SLCO3A1: variants seen among roughly 807,000 people sequenced by gnomAD.
SLCO3A1 encodes the protein solute carrier organic anion transporter family member 3A1.
A neutral mutation model predicts 63.1 loss-of-function variants in SLCO3A1; 27 were observed. The ratio of observed to expected loss-of-function variants is 0.43; its 90% CI spans 0.32 to 0.59. The LOEUF (loss-of-function observed/expected upper bound fraction) is 0.59. SLCO3A1 is among the 20% of genes least tolerant of loss of function. SLCO3A1 has a pLI of 0.09. For missense variants in SLCO3A1, 773 were observed against 945.8 expected (o/e 0.82, Z 2.40); for synonymous variants, 473 against 409.9 (o/e 1.15, Z -1.86).
rs148878168 is a variant in SLCO3A1 at position 91,875,289 on chromosome 15, T to C, written c.180+21201T>C. Among the ~76,000 whole-genome samples the C allele has an allele frequency of 2.3e-4, 35 of 152,278 alleles. No homozygotes were observed. The highest frequency in any genetic ancestry group is 5.5e-4 in the African/African-American group (23 of 41,544). ...GTAGGAGATCCTAGTTGCACTTCTG[T>C]TATGAAGCCACTCCTGCCTCCCTTT... is the stretch of plus-strand genomic sequence containing the variant. On this transcript the variant is annotated intron_variant, in intron 1 of 9. Transcript: ENST00000318445. This position sits in a 1 kb window ranked among gnomAD's most constrained non-coding sequence, Gnocchi z 4.5.
chr15:92,016,200 T>G (rs1193967342), intron 2 of SLCO3A1, among the ~76,000 whole-genome samples: 5 of 74,106 alleles, frequency 6.7e-5, no homozygotes, highest in African/African-American at 2.2e-4. Context: ...TGTATATATA[T>G]TTATATAGAT....
intron 2 of SLCO3A1, among the ~76,000 whole-genome samples, chr15:92,036,118 A>G (rs1171619578): frequency 1.2e-4 from 19 of 152,176 alleles, no homozygotes. Context: ...TTAGAGGAAG[A>G]TGCCCCATCT....
At chr15:91,988,878 T>G (rs984573051) in intron 2 of SLCO3A1, among the ~76,000 whole-genome samples, 8 of 152,158 alleles carry the variant, frequency 5.3e-5, no homozygotes, top group African/African-American at 1.9e-4. Flanking sequence ...CAGAGCGAGG[T>G]AGGATACAGT....
At chr15:92,143,711 C>T (rs1019266571) in intron 7 of SLCO3A1, among the ~76,000 whole-genome samples, 3 of 150,444 alleles carry the variant, frequency 2.0e-5, no homozygotes, top group African/African-American at 4.9e-5. Context: ...CAATAGGGTG[C>T]CGTTACTAAG....
At chr15:92,018,677 G>A (rs1384315311) in intron 2 of SLCO3A1, among the ~76,000 whole-genome samples, 1 of 152,210 alleles carries the variant, frequency 6.6e-6, no homozygotes, top group Non-Finnish European at 1.5e-5. Context: ...CGTCCGTCGG[G>A]CCACCAGGAG....
At chr15:92,082,130 T>A (rs950809425) in intron 2 of SLCO3A1, among the ~76,000 whole-genome samples, 3 of 152,222 alleles carry the variant, frequency 2.0e-5, no homozygotes, top group Non-Finnish European at 4.4e-5. Context: ...CACCTCCTCC[T>A]CAGACATAAG....
intron 9 of SLCO3A1, among the ~76,000 whole-genome samples, chr15:92,160,122 G>A (rs956666069): frequency 7.9e-5 from 12 of 152,040 alleles, no homozygotes; most frequent in African/African-American, 2.9e-4. Context: ...ATGACCTCAA[G>A]AAAGGTCACA....
chr15:92,031,259 A>G (rs958419980), intron 2 of SLCO3A1, among the ~76,000 whole-genome samples: 1 of 152,178 alleles, frequency 6.6e-6, no homozygotes, highest in Non-Finnish European at 1.5e-5. Context: ...TTTCAAAGAG[A>G]TGACTCAGTA....
intron 2 of SLCO3A1, among the ~76,000 whole-genome samples, chr15:92,065,999 T>G (rs2047146821): frequency 6.6e-6 from 1 of 152,200 alleles, no homozygotes; most frequent in Admixed American, 6.5e-5. Context: ...GTAGTGAGCT[T>G]TCTTACGGGC....
chr15:92,044,656 T>A (rs1254984946), intron 2 of SLCO3A1, among the ~76,000 whole-genome samples: 1 of 152,166 alleles, frequency 6.6e-6, no homozygotes, highest in Non-Finnish European at 1.5e-5. Flanking sequence ...GCTCAGAGAC[T>A]GAGGCAGCCC....
At chr15:92,014,342 CAAAG>C (rs1274422202) in intron 2 of SLCO3A1, among the ~76,000 whole-genome samples, 10 of 152,172 alleles carry the variant, frequency 6.6e-5, no homozygotes, top group South Asian at 2.1e-4. Flanking sequence ...GGCAGAGAGG[CAAAG>C]AAAGAGCTGG....
intron 3 of SLCO3A1, among the ~76,000 whole-genome samples, chr15:92,096,037 G>A (rs148789253): frequency 3.3e-5 from 5 of 152,248 alleles, no homozygotes; most frequent in Admixed American, 6.5e-5. Context: ...ACTGTTTTTC[G>A]TATTTTTTTC....
At position 91,872,552 on chromosome 15, in the gene SLCO3A1, A is replaced by G. The variant is rs1230832932; in HGVS notation, c.180+18464A>G. Among the ~76,000 whole-genome samples the G allele has an allele frequency of 6.6e-6, 1 of 152,134 alleles. No homozygotes were observed. Among genetic ancestry groups the G allele is most frequent in the East Asian group, 1.9e-4 (1 of 5,194 alleles). On this transcript the variant is annotated intron_variant, in intron 1 of 9. Transcript: ENST00000318445. The surrounding 1 kb of genome is among the most constrained non-coding windows in gnomAD (Gnocchi z 4.1). ...CCGTCTCAAAAAAAAAAAGAAAAGA[A>G]AAAAGAAGAAAGAAAGAACGTGCCC... is the stretch of plus-strand genomic sequence containing the variant.
chr15:92,044,487 C>CT (rs1368956409), intron 2 of SLCO3A1, among the ~76,000 whole-genome samples: 3 of 152,152 alleles, frequency 2.0e-5, no homozygotes, highest in Non-Finnish European at 2.9e-5. Flanking sequence ...TGGCTCCCTT[C>CT]TCCCAGCCTT....
intron 2 of SLCO3A1, among the ~76,000 whole-genome samples, chr15:91,949,988 CA>C (rs1899944210): frequency 6.6e-6 from 1 of 152,138 alleles, no homozygotes; most frequent in African/African-American, 2.4e-5. Context: ...GCCTGAGCAA[CA>C]GAACCAGACC....
intron 2 of SLCO3A1, among the ~76,000 whole-genome samples, chr15:92,086,348 A>G (rs1361904137): frequency 6.6e-6 from 1 of 152,136 alleles, no homozygotes; most frequent in Non-Finnish European, 1.5e-5. Flanking sequence ...TAAATTTATA[A>G]TTCTCTGAAT....
intron 1 of SLCO3A1, among the ~76,000 whole-genome samples, chr15:91,881,604 G>C (rs1897589207): frequency 6.6e-6 from 1 of 151,854 alleles, no homozygotes; most frequent in Admixed American, 6.5e-5. Flanking sequence ...TTTTAGCCTT[G>C]AGATGAAGTT....
In SLCO3A1 at chr15:92,126,310, A is replaced by G. The variant is rs370331765; in HGVS notation, c.1373+51A>G. On this transcript the variant is annotated intron_variant, in intron 6 of 9. Coordinates refer to ENST00000318445, the MANE Select transcript of SLCO3A1 (RefSeq NM_013272.4). ...TTCCTGCCTGTTCAGGGACCCTAGC[A>G]ATCTCCCTCTGCAGTAGGTTGAGGG... The G allele has an allele frequency of 1.5e-5, 23 of 1,506,732 alleles. No homozygotes were observed. In the African/African-American group the frequency reaches 2.9e-4, roughly 19 times the overall value. 93.3% of individuals were successfully genotyped at this position (1,506,732 alleles called of 1,614,324 possible).
At chr15:92,003,612 G>T (rs989221650) in intron 2 of SLCO3A1, among the ~76,000 whole-genome samples, 1 of 152,170 alleles carries the variant, frequency 6.6e-6, no homozygotes, top group African/African-American at 2.4e-5. Flanking sequence ...CAGACTTCAT[G>T]GGAAAGGTCA....
Sources: gnomAD v4.1 joint callset for allele counts (sites outside exome capture counted in the v4.1 genomes callset) on GRCh38, gnomAD v4.1.1 for gene constraint, Gnocchi (gnomAD v3.1) non-coding constraint, MANE v1.5 for transcripts, NCBI Gene and HGNC (gene_info 2026-07-23, HGNC 2026-07-21) for gene names.